The following GRIP1 variants were observed in gnomAD, a reference collection of about 807,000 sequenced individuals.
GRIP1 encodes glutamate receptor interacting protein 1.
GRIP1 carries 45 observed loss-of-function variants against 129.9 expected under a neutral mutation model. The observed-to-expected ratio is 0.35, with a 90% confidence interval of 0.27 to 0.44. The LOEUF is 0.44. GRIP1 is among the 20% of genes least tolerant of loss of function. The pLI, the probability that GRIP1 is intolerant of heterozygous loss-of-function variation, is 1.00. For missense variants in GRIP1, 1,196 were observed against 1,396.8 expected, an observed-to-expected ratio of 0.86 and a Z score of 2.29; for synonymous variants, 530 against 520.8, an observed-to-expected ratio of 1.02 and a Z score of -0.24.
At chr12:66,525,746 T>A (rs2061209811) in intron 5 of GRIP1, among the ~76,000 whole-genome samples, 1 of 152,322 alleles carries the variant, frequency 6.6e-6, no homozygotes, top group South Asian at 2.1e-4. Context: ...AAATTGTCCC[T>A]GTTTGCAGAT....
At chr12:66,803,292 C>T (rs1284462650) in intron 1 of GRIP1, among the ~76,000 whole-genome samples, 1 of 152,156 alleles carries the variant, frequency 6.6e-6, no homozygotes, top group Non-Finnish European at 1.5e-5. Flanking sequence ...ATTTGGGGCA[C>T]ATCATAAACT....
chr12:66,432,090 T>C (rs2058165289), intron 14 of GRIP1, among the ~76,000 whole-genome samples: 1 of 152,140 alleles, frequency 6.6e-6, no homozygotes, highest in African/African-American at 2.4e-5. Context: ...CACAATACAC[T>C]GTGAATTAAT....
intron 13 of GRIP1, among the ~76,000 whole-genome samples, chr12:66,443,773 C>T (rs139659635): frequency 3.0e-4 from 46 of 152,160 alleles, no homozygotes; most frequent in African/African-American, 1.1e-3. Flanking sequence ...ATATTCTTGA[C>T]CCCCTACTGC....
At chr12:66,893,668 C>T (rs752877405) in intron 1 of GRIP1, among the ~76,000 whole-genome samples, 3 of 152,188 alleles carry the variant, frequency 2.0e-5, no homozygotes, top group Non-Finnish European at 4.4e-5. Context: ...CTTTTATGAA[C>T]ATGAATACAT....
chr12:66,753,115 T>C (rs575802242), intron 1 of GRIP1, among the ~76,000 whole-genome samples: 2 of 152,252 alleles, frequency 1.3e-5, no homozygotes, highest in South Asian at 4.1e-4. Context: ...CATTCCTCCC[T>C]TCCCAAACTC....
intron 1 of GRIP1, among the ~76,000 whole-genome samples, chr12:67,037,173 A>G (rs1432165716): frequency 2.0e-5 from 3 of 151,864 alleles, no homozygotes; most frequent in African/African-American, 7.3e-5. Context: ...CTAAAAATAC[A>G]AAAAATTAGC....
At chr12:66,952,448 G>A (rs1592385268) in intron 1 of GRIP1, among the ~76,000 whole-genome samples, 1 of 152,130 alleles carries the variant, frequency 6.6e-6, no homozygotes, top group Non-Finnish European at 1.5e-5. Flanking sequence ...TAAAACTTGA[G>A]ATTATAAATA....
At chr12:66,419,350 CA>C (rs2057722194) in intron 15 of GRIP1, among the ~76,000 whole-genome samples, 1 of 151,546 alleles carries the variant, frequency 6.6e-6, no homozygotes, top group Admixed American at 6.6e-5. Context: ...TTAATGGGTA[CA>C]AAAAAATAGA....
upstream of GRIP1, among the ~76,000 whole-genome samples, chr12:66,680,190 T>C (rs117408293): frequency 6.6e-6 from 1 of 152,346 alleles, no homozygotes; most frequent in East Asian, 1.9e-4. Context: ...GAATTATTCA[T>C]ACAGTTTTAT....
At chr12:66,802,397 C>T (rs765641133) in intron 1 of GRIP1, among the ~76,000 whole-genome samples, 3 of 152,072 alleles carry the variant, frequency 2.0e-5, no homozygotes, top group Non-Finnish European at 2.9e-5. Flanking sequence ...TGAGATAAAA[C>T]GTGATTCTCT....
intron 2 of GRIP1, among the ~76,000 whole-genome samples, chr12:66,549,395 A>G (rs7134781): frequency 0.48 from 73,366 of 152,008 alleles, 18,024 homozygotes; most frequent in Admixed American, 0.55. Flanking sequence ...AAGGGGAATT[A>G]GGGCACGCAC....
At chr12:66,353,588 A>C (rs747435818) in intron 23 of GRIP1, 25 bp from the exon 24 acceptor site, 2 of 1,611,054 alleles carry the variant, frequency 1.2e-6, no homozygotes. Flanking sequence ...TGGGATGTGA[A>C]TATTTAGCTG....
chr12:66,732,315 G>T (rs2052384622), intron 1 of GRIP1, among the ~76,000 whole-genome samples: 3 of 152,100 alleles, frequency 2.0e-5, no homozygotes, highest in Admixed American at 1.3e-4. Flanking sequence ...CTTTGAGGGG[G>T]CTGAAGCCAG....
At chr12:66,809,050 A>T (rs568128790), upstream of GRIP1, among the ~76,000 whole-genome samples, 21 of 152,396 alleles carry the variant, frequency 1.4e-4, 2 homozygotes, top group South Asian at 4.3e-3. Flanking sequence ...ATGAGAAAAT[A>T]AAGCAGTTTG....
At chr12:66,565,430 T>C (rs947522931) in intron 2 of GRIP1, among the ~76,000 whole-genome samples, 3 of 152,158 alleles carry the variant, frequency 2.0e-5, no homozygotes, top group South Asian at 2.1e-4. Flanking sequence ...GATTAGATGA[T>C]TGTAGATGTG....
chr12:66,373,397 C>T (rs759912475), intron 22 of GRIP1, among the ~76,000 whole-genome samples: 9 of 152,242 alleles, frequency 5.9e-5, no homozygotes, highest in Admixed American at 3.3e-4. Flanking sequence ...CCATTCCTCC[C>T]AACTTATAGG....
chr12:67,012,110 G>C (rs2042717627), intron 1 of GRIP1, among the ~76,000 whole-genome samples: 1 of 152,088 alleles, frequency 6.6e-6, no homozygotes, highest in Non-Finnish European at 1.5e-5. Flanking sequence ...TTGTTGAATG[G>C]ATAAAATCTG....
intron 1 of GRIP1, among the ~76,000 whole-genome samples, chr12:66,777,318 C>A (rs369380581): frequency 2.0e-5 from 3 of 152,120 alleles, no homozygotes; most frequent in East Asian, 1.9e-4. Context: ...CTTGGTGCTG[C>A]CCTCCTCCTC....
intron 1 of GRIP1, among the ~76,000 whole-genome samples, chr12:66,942,300 C>G (rs2041599209): frequency 1.3e-5 from 2 of 150,396 alleles, no homozygotes; most frequent in African/African-American, 4.9e-5. Context: ...TTTTTTTTTC[C>G]TGGCTGCCCA....
Sources: allele counts gnomAD v4.1 joint callset (sites outside exome capture counted in the v4.1 genomes callset), GRCh38; gene constraint gnomAD v4.1.1; transcripts MANE v1.5; gene names NCBI Gene and HGNC (gene_info 2026-07-23, HGNC 2026-07-21).